SYT7: variants seen among roughly 807,000 people sequenced by gnomAD.
The protein encoded by SYT7 is synaptotagmin-7.
SYT7 carries 29 observed loss-of-function variants against 75.1 expected under a neutral mutation model. The observed-to-expected ratio is 0.39, with a 90% CI of 0.29 to 0.53. SYT7 has a LOEUF of 0.53. Ranked by LOEUF, SYT7 falls within the 20% of genes least tolerant of loss-of-function variation. The pLI is 0.77. For synonymous variants in SYT7, 376 were observed against 401.7 expected (o/e 0.94, Z 0.76); for missense variants, 693 against 953.2 (o/e 0.73, Z 3.59).
chr11:61,547,272 G>A lies in SYT7; in HGVS notation c.252C>T (p.Ser84=). Residue 84 remains serine (S), a synonymous_variant, in exon 4 of 13, where the codon AGC becomes AGT. Transcript: ENST00000539008. The part of the protein sequence containing the change: ...LDRDFWNNNE[S]TVQQKWSSYP... ...AGGAGCTCCATTTCTGCTGCACTGT[G>A]CTCTCATTGTTATTCCAAAAGTCTC... The A allele has an allele frequency of 6.5e-7, 1 of 1,535,818 alleles. No individual in the cohort carries two copies. The highest frequency in any genetic ancestry group is 8.7e-7 in the Non-Finnish European group (1 of 1,146,692).
At chr11:61,586,289 G>T in the SYT7 span, among the ~76,000 whole-genome samples, 2 of 152,152 alleles carry the variant, frequency 1.3e-5, no homozygotes, top group Non-Finnish European at 2.9e-5. Context: ...TTCTGCCTTG[G>T]GACAGCCCCA....
chr11:61,517,368 T>C lies in SYT7; in HGVS notation c.*1259A>G. On this transcript the variant is annotated 3_prime_UTR_variant, in exon 13 of 13. Transcript: ENST00000539008. ...TGGTCTTTTCCCTGCCTCCTTTCCC[T>C]GCACTGTGAGTGAGTCGGGCAGAAG... The C allele has an allele frequency of 2.5e-6, 1 of 398,736 alleles. No homozygotes were observed. Among genetic ancestry groups the C allele is most frequent in the Non-Finnish European group, 4.4e-6 (1 of 226,150 alleles). 24.7% of individuals were successfully genotyped at this position (398,736 alleles called of 1,614,324 possible).
intron 9 of SYT7, among the ~76,000 whole-genome samples, chr11:61,525,291 C>T (rs2062478734): frequency 6.6e-6 from 1 of 152,198 alleles, no homozygotes; most frequent in Non-Finnish European, 1.5e-5. Flanking sequence ...TTCAATGGCT[C>T]CCAGTGCACT....
intron 3 of SYT7, among the ~76,000 whole-genome samples, chr11:61,549,798 A>G (rs999896430): frequency 3.3e-5 from 5 of 152,208 alleles, no homozygotes; most frequent in African/African-American, 1.2e-4. Context: ...ACTTTGTCTT[A>G]GAGAGCCCTC....
At chr11:61,570,131 CAG>C (rs1411205377) in intron 1 of SYT7, among the ~76,000 whole-genome samples, 1 of 152,250 alleles carries the variant, frequency 6.6e-6, no homozygotes, top group Non-Finnish European at 1.5e-5. Flanking sequence ...AGAGAGGAAA[CAG>C]TGCCTGTCCA....
At chr11:61,530,974 G>C (rs1340849095) in intron 8 of SYT7, 1 of 985,310 alleles carries the variant, frequency 1.0e-6, no homozygotes, top group African/African-American at 1.7e-5. Flanking sequence ...AGGGCAGGAG[G>C]TGCCCAGAAG....
chr11:61,573,344 T>C (rs1160063885), intron 1 of SYT7, among the ~76,000 whole-genome samples: 1 of 152,216 alleles, frequency 6.6e-6, no homozygotes, highest in East Asian at 1.9e-4. Context: ...TGTTCATTCA[T>C]GCCCACCTGC....
intron 6 of SYT7, chr11:61,540,035 G>GT (rs551454249): frequency 7.9e-5 from 12 of 152,250 alleles, no homozygotes; most frequent in African/African-American, 1.7e-4. Flanking sequence ...AAAACAACAT[G>GT]TTTTTTCCCC....
intron 1 of SYT7, among the ~76,000 whole-genome samples, chr11:61,569,026 G>A (rs2063849897): frequency 1.3e-5 from 2 of 152,190 alleles, no homozygotes; most frequent in South Asian, 4.1e-4. Context: ...GGGGTGCTGG[G>A]GACAAGCCAG....
chr11:61,567,976 C>T (rs1272124224), intron 1 of SYT7, among the ~76,000 whole-genome samples: 7 of 152,246 alleles, frequency 4.6e-5, no homozygotes, highest in Non-Finnish European at 8.8e-5. Context: ...CTTCCTGCTC[C>T]CTCCTCCAAG....
At chr11:61,587,347 G>T in the SYT7 span, among the ~76,000 whole-genome samples, 2 of 152,204 alleles carry the variant, frequency 1.3e-5, no homozygotes, top group African/African-American at 4.8e-5. Flanking sequence ...GCCTTCAGCG[G>T]GCCGTTACTC....
intron 1 of SYT7, among the ~76,000 whole-genome samples, chr11:61,574,574 G>C (rs1219621422): frequency 1.3e-5 from 2 of 152,124 alleles, no homozygotes; most frequent in East Asian, 3.9e-4. Context: ...CCCATTCCTG[G>C]AGAAAGTGTT....
In SYT7 at chr11:61,523,207, C is replaced by G. The variant is rs1200864906; in HGVS notation, c.1824G>C (p.Met608Ile). ...KRVEKKKTVTMKRNLNPIFNE... is the reference protein window; with the variant it reads ...KRVEKKKTVTIKRNLNPIFNE... ...TGAAGATGGGGTTCAGGTTCCTCTTCATCGTCACCGTCTTCTTCTTCTCCA... is the reference window on the plus strand; with the variant it reads ...TGAAGATGGGGTTCAGGTTCCTCTTGATCGTCACCGTCTTCTTCTTCTCCA... Residue 608 changes from methionine (M) to isoleucine (I), a missense_variant, in exon 12 of 13, where the codon ATG becomes ATC. Met to Ile is a conservative substitution (Grantham distance 10). Transcript: ENST00000539008. This position sits in a 1 kb window ranked among gnomAD's most constrained non-coding sequence, Gnocchi z 5.0. The G allele has an allele frequency of 2.5e-6, 4 of 1,614,098 alleles. No homozygotes were observed. Among genetic ancestry groups the G allele is most frequent in the Non-Finnish European group, 2.5e-6 (3 of 1,180,056 alleles).
chr11:61,573,070 A>G (rs1173740835), intron 1 of SYT7, among the ~76,000 whole-genome samples: 1 of 149,356 alleles, frequency 6.7e-6, no homozygotes, highest in Non-Finnish European at 1.5e-5. Context: ...GTGGGCATGG[A>G]GAGGGGGGGT....
chr11:61,519,470 G>A (rs1310514392), intron 12 of SYT7, among the ~76,000 whole-genome samples: 2 of 152,234 alleles, frequency 1.3e-5, no homozygotes, highest in African/African-American at 4.8e-5. Context: ...CACCCGGCCA[G>A]TATTCCTTAA....
At chr11:61,558,318 G>A (rs889438209) in intron 1 of SYT7, among the ~76,000 whole-genome samples, 25 of 152,076 alleles carry the variant, frequency 1.6e-4, no homozygotes, top group Admixed American at 5.2e-4. Flanking sequence ...GCATGGTGAC[G>A]TGTGCCTGTA....
At chr11:61,533,353 T>C in intron 7 of SYT7, 1 of 985,396 alleles carries the variant, frequency 1.0e-6, no homozygotes, top group Non-Finnish European at 1.2e-6. Context: ...GCTTAACTAC[T>C]CCTATAGGGG....
At position 61,551,090 on chromosome 11, in the gene SYT7, G is replaced by A. The variant is rs1010521366; in HGVS notation, c.215+294C>T. On this transcript the variant is annotated intron_variant, in intron 3 of 12. Transcript: ENST00000539008. The surrounding 1 kb of genome is among the most constrained non-coding windows in gnomAD (Gnocchi z 5.3). ...GGTGGGCACAGTGTGTGTGATAGGA[G>A]GGTGGGATGAGAAAGCGGCAACCAG... is the stretch of plus-strand genomic sequence containing the variant. Among the ~76,000 whole-genome samples, 2 of 152,156 alleles carry A rather than the reference G, an allele frequency of 1.3e-5. No homozygotes were observed. The highest frequency in any genetic ancestry group is 4.1e-4 in the South Asian group (2 of 4,826).
rs75838923 is a variant in SYT7 at position 61,548,572 on chromosome 11, C to T, written c.216-1264G>A. 9.7e-3 allele frequency among the ~76,000 whole-genome samples: 1,475 copies of T among 152,250 alleles called. 19 individuals carry two copies. Among genetic ancestry groups the T allele is most frequent in the African/African-American group, 0.033 (1,374 of 41,540 alleles). On this transcript the variant is annotated intron_variant, in intron 3 of 12. Transcript: ENST00000539008. Reference sequence around the variant, plus strand: ...ATGGGAATGTTTCTAGGGAAGGGGCCCCAGGAAGAGCGCTGGGGTGGGCCT... The same window carrying T: ...ATGGGAATGTTTCTAGGGAAGGGGCTCCAGGAAGAGCGCTGGGGTGGGCCT...
Sources: gnomAD v4.1 joint callset for allele counts (sites outside exome capture counted in the v4.1 genomes callset) on GRCh38, gnomAD v4.1.1 for gene constraint, Gnocchi (gnomAD v3.1) non-coding constraint, MANE v1.5 for transcripts, NCBI Gene and HGNC (gene_info 2026-07-23, HGNC 2026-07-21) for gene names.